The following NLGN4X variants were observed in gnomAD, a reference collection of about 807,000 sequenced individuals.
NLGN4X encodes the protein neuroligin-4, X-linked.
In NLGN4X, 3 loss-of-function variants were observed where a neutral mutation model predicts 40.3. That is an observed-to-expected ratio of 0.07 (90% confidence interval 0.03 to 0.19). The LOEUF is 0.19. Ranked by LOEUF, NLGN4X falls within the 10% of genes least tolerant of loss-of-function variation. The probability of loss-of-function intolerance (pLI) is 1.00; values close to 1 mark genes in which losing one functional copy is unlikely to be tolerated. For missense variants in NLGN4X, 382 were observed against 708.3 expected (o/e 0.54, Z 5.23); for synonymous variants, 270 against 306.8 (o/e 0.88, Z 1.25).
chrX:5,929,123 TATTA>T (rs1002606636), intron 3 of NLGN4X, among the ~76,000 whole-genome samples: 11 of 111,915 alleles, frequency 9.8e-5, no homozygotes, highest in African/African-American at 3.6e-4. Context: ...TTTAATAAAC[TATTA>T]ATTATTTTTA....
rs1205811891 is a variant in NLGN4X, at chrX:5,972,234, T to C, written c.625+57046A>G. 5.4e-5 allele frequency among the ~76,000 whole-genome samples: 6 copies of C among 110,670 alleles called. No homozygotes were observed. In the Admixed American group the frequency reaches 5.8e-4, roughly 11 times the overall value. ...GTGGGTGTGTGTGCATTCCCCATCA[T>C]CTCATCCTATTTACTTCATTCACTC... On this transcript the variant is annotated intron_variant, in intron 3 of 5. Transcript: ENST00000381095.
intron 3 of NLGN4X, among the ~76,000 whole-genome samples, chrX:5,940,435 T>C (rs1426235615): frequency 1.8e-5 from 2 of 111,048 alleles, no homozygotes; most frequent in Admixed American, 9.6e-5. Flanking sequence ...GACTGTGTTA[T>C]AAGAAACGAA....
intron 1 of NLGN4X, among the ~76,000 whole-genome samples, chrX:6,216,007 G>T (rs963833741): frequency 9.1e-6 from 1 of 110,015 alleles, no homozygotes; most frequent in Admixed American, 9.7e-5. Flanking sequence ...CTCCTGAGTA[G>T]CTGGGACTAC....
chrX:5,989,521 C>A (rs2035622704), intron 3 of NLGN4X, among the ~76,000 whole-genome samples: 4 of 112,445 alleles, frequency 3.6e-5, no homozygotes, highest in Non-Finnish European at 7.5e-5. Context: ...TTGCTCAGAA[C>A]ACTGCTAGGT....
intron 2 of NLGN4X, among the ~76,000 whole-genome samples, chrX:6,121,213 T>C (rs1223515022): frequency 1.8e-5 from 2 of 110,667 alleles, no homozygotes; most frequent in Non-Finnish European, 3.8e-5. Context: ...AGAAATCTTA[T>C]GGTACATCAA....
chrX:6,011,366 A>AATATAT (rs10584166), intron 3 of NLGN4X, among the ~76,000 whole-genome samples: 7 of 101,449 alleles, frequency 6.9e-5, no homozygotes, highest in African/African-American at 1.8e-4. Context: ...CAAATTCAGA[A>AATATAT]ATATATATAT....
chrX:6,187,556 T>A (rs1334347918), intron 1 of NLGN4X: 1 of 112,224 alleles, frequency 8.9e-6, no homozygotes, highest in African/African-American at 3.2e-5. Flanking sequence ...TAGAAGAAGG[T>A]GGGGCGAAGG....
At chrX:6,160,286 T>C (rs1051175943) in intron 1 of NLGN4X, among the ~76,000 whole-genome samples, 2 of 111,664 alleles carry the variant, frequency 1.8e-5, no homozygotes, top group Non-Finnish European at 1.9e-5. Flanking sequence ...ACTATGTACA[T>C]GTAAAAATAA....
chrX:6,049,364 C>T (rs1017799805), intron 2 of NLGN4X, among the ~76,000 whole-genome samples: 4 of 102,704 alleles, frequency 3.9e-5, no homozygotes, highest in African/African-American at 1.4e-4. Flanking sequence ...CTGTGCCCTC[C>T]CTATACCAGA....
intron 3 of NLGN4X, among the ~76,000 whole-genome samples, chrX:5,919,998 T>TA (rs940568991): frequency 2.7e-5 from 3 of 112,169 alleles, no homozygotes; most frequent in Non-Finnish European, 5.6e-5. Context: ...TTGCGGTTCT[T>TA]ACATTTTGTG....
At chrX:5,894,632 G>A (rs2031389064) in intron 5 of NLGN4X, among the ~76,000 whole-genome samples, 2 of 111,634 alleles carry the variant, frequency 1.8e-5, no homozygotes, top group Admixed American at 1.9e-4. Context: ...GGTAGAAGGA[G>A]AATCATAAAA....
intron 2 of NLGN4X, 44 bp downstream of exon 2, chrX:6,150,951 C>T: frequency 9.4e-6 from 10 of 1,064,484 alleles, no homozygotes; most frequent in Non-Finnish European, 1.2e-5. Flanking sequence ...TCTCTCTACA[C>T]ACTGCACAAG....
At chrX:5,992,858 T>C (rs1422148210) in intron 3 of NLGN4X, among the ~76,000 whole-genome samples, 2 of 111,465 alleles carry the variant, frequency 1.8e-5, no homozygotes, top group East Asian at 2.9e-4. Context: ...AGGCATCACC[T>C]GGAAGACTGC....
intron 3 of NLGN4X, among the ~76,000 whole-genome samples, chrX:5,943,027 A>C (rs1285638953): frequency 8.9e-6 from 1 of 111,902 alleles, no homozygotes; most frequent in East Asian, 2.8e-4. Context: ...TGATTATCCT[A>C]GAATATCCAA....
At chrX:6,165,260 CCT>C (rs1453075483) in intron 1 of NLGN4X, among the ~76,000 whole-genome samples, 3 of 111,477 alleles carry the variant, frequency 2.7e-5, no homozygotes, top group Non-Finnish European at 5.6e-5. Context: ...CTCATAAAAA[CCT>C]CTGTGTCTCA....
chrX:6,076,234 A>G (rs1028363146), intron 2 of NLGN4X, among the ~76,000 whole-genome samples: 2 of 112,351 alleles, frequency 1.8e-5, no homozygotes, highest in Non-Finnish European at 3.8e-5. Flanking sequence ...CACTAGTTAC[A>G]CTTTATTAAA....
chrX:6,042,685 TTATATATATATATATATATATATATA>T lies in NLGN4X; in HGVS notation c.473-13279_473-13254del, dbSNP rs749649054. Reference sequence around the variant, plus strand: ...AAAACCTAACATACCCATAGAGGTTTTATATATATATATATATATATATATATATATATATATATATATATACACAC... The same window carrying T: ...AAAACCTAACATACCCATAGAGGTTTTATATATATATATATATATACACAC... On this transcript the variant is annotated intron_variant, in intron 2 of 5. Transcript: ENST00000381095. Among the ~76,000 whole-genome samples, 34 of 28,412 alleles carry T rather than the reference TTATATATATATATATATATATATATA, an allele frequency of 1.2e-3. 2 individuals carry two copies. The highest frequency in any genetic ancestry group is 4.7e-3 in the Admixed American group (7 of 1,478). The allele number at this position is 28,412 out of a possible 115,157, so 24.7% of individuals were successfully genotyped here.
chrX:5,983,013 C>T (rs2035432193), intron 3 of NLGN4X, among the ~76,000 whole-genome samples: 1 of 112,592 alleles, frequency 8.9e-6, no homozygotes, highest in African/African-American at 3.2e-5. Context: ...GCAGCATCAC[C>T]ATGTAATGGG....
At chrX:6,198,686 G>A in intron 1 of NLGN4X, among the ~76,000 whole-genome samples, 1 of 111,646 alleles carries the variant, frequency 9.0e-6, no homozygotes. Context: ...TTCAGAAGAT[G>A]TCCTCAAAGA....
Sources: gnomAD v4.1 joint callset for allele counts (sites outside exome capture counted in the v4.1 genomes callset) on GRCh38, gnomAD v4.1.1 for gene constraint, MANE v1.5 for transcripts, NCBI Gene and HGNC (gene_info 2026-07-23, HGNC 2026-07-21) for gene names.